SMTN: variants seen among roughly 807,000 people sequenced by gnomAD.
The protein encoded by SMTN is smoothelin.
Under a neutral mutation model 102.0 loss-of-function variants are expected in SMTN, and 58 were observed. The ratio of observed to expected loss-of-function variants is 0.57; its 90% CI spans 0.46 to 0.71. SMTN has a LOEUF of 0.71. Ranked by LOEUF, SMTN falls within the 30% of genes least tolerant of loss-of-function variation. The pLI is 0.00. For synonymous variants in SMTN, 478 were observed against 497.9 expected (o/e 0.96, Z 0.53); for missense variants, 1,185 against 1,241.7 (o/e 0.95, Z 0.69).
chr22:31,098,793 G>C lies in SMTN; in HGVS notation c.2286G>C (p.Gln762His). 1 of 1,612,822 alleles carries C rather than the reference G, an allele frequency of 6.2e-7. No individual in the cohort carries two copies. The highest frequency in any genetic ancestry group is 8.5e-7 in the Non-Finnish European group (1 of 1,179,812). ...GTCTGCCCAAGACCTCAGCCTCCCA[G>C]GCGCGCAAGGCCATGATTGAGAAGC... ...AQSLPKTSAS[Q>H]ARKAMIEKLE... The change falls in exon 17 of 21, where the codon CAG becomes CAC. Residue 762 changes from glutamine (Q) to histidine (H), a missense_variant. Physicochemically the swap from Gln to His is conservative, Grantham distance 24. Transcript: ENST00000333137.
chr22:31,085,947 C>T lies in SMTN; in HGVS notation c.52-2018C>T, dbSNP rs145486642. ...TTGTCAGAGACAAGGACCCCATCTC[C>T]GAGCCCAGAGCACTGAGAATGGGGA... On this transcript the variant is annotated intron_variant, in intron 2 of 20. Transcript: ENST00000333137. Among the ~76,000 whole-genome samples the T allele has an allele frequency of 4.2e-3, 644 of 152,330 alleles. 11 individuals carry two copies. The East Asian group carries it at 0.051, about 12-fold the overall frequency.
intron 3 of SMTN, 51 bp downstream of exon 3, chr22:31,088,164 G>T (rs1356059643): frequency 1.9e-6 from 3 of 1,542,844 alleles, no homozygotes; most frequent in Non-Finnish European, 2.6e-6. Flanking sequence ...TGTGAGCCCT[G>T]GCTCAGCTCA....
chr22:31,082,399 A>T (rs1480032694), intron 1 of SMTN: 1 of 415,506 alleles, frequency 2.4e-6, no homozygotes, highest in African/African-American at 2.1e-5. Flanking sequence ...GGCACTTTGG[A>T]AGGGAGCTTC....
chr22:31,087,873 C>A, intron 2 of SMTN, 92 bp from the exon 3 acceptor site: 1 of 1,372,864 alleles, frequency 7.3e-7, no homozygotes, highest in Non-Finnish European at 9.7e-7. Flanking sequence ...GGACACAGGC[C>A]ACACATTGTG....
At chr22:31,089,674 G>T (rs775605465) in intron 6 of SMTN, 25 bp from the exon 7 acceptor site, 8 of 1,579,644 alleles carry the variant, frequency 5.1e-6, no homozygotes, top group Non-Finnish European at 6.9e-6. Context: ...GGGAGCCTTG[G>T]TTGCATCCTG....
intron 1 of SMTN, among the ~76,000 whole-genome samples, chr22:31,069,795 C>T (rs973358295): frequency 5.9e-5 from 9 of 152,180 alleles, no homozygotes; most frequent in African/African-American, 2.2e-4. Flanking sequence ...CTGGGTGGGC[C>T]GACCTCAGGA....
chr22:31,096,643 C>A, intron 13 of SMTN, 90 bp from the exon 14 acceptor site: 3 of 1,387,754 alleles, frequency 2.2e-6, no homozygotes, highest in Non-Finnish European at 2.9e-6. Context: ...CCACCCTCCA[C>A]CCCGTCTTGT....
At chr22:31,076,038 C>T (rs963381938) in intron 1 of SMTN, among the ~76,000 whole-genome samples, 3 of 151,986 alleles carry the variant, frequency 2.0e-5, no homozygotes, top group African/African-American at 4.8e-5. Context: ...AGATGGGGAT[C>T]GAGAAGGGCG....
chr22:31,096,904 G>A lies in SMTN; in HGVS notation c.2026+7G>A. ...GAGCGGCTCGTCCACTCCAGTAAGG[G>A]GCCAAATGGGGCCGGCCCAGGGCTC... On this transcript the variant is annotated splice_region_variant and intron_variant, in intron 14 of 20. Transcript: ENST00000333137. 1 of 1,602,550 alleles carries A rather than the reference G, an allele frequency of 6.2e-7. No individual in the cohort carries two copies. Among genetic ancestry groups the A allele is most frequent in the Non-Finnish European group, 8.5e-7 (1 of 1,173,212 alleles).
intron 6 of SMTN, among the ~76,000 whole-genome samples, chr22:31,089,375 C>T (rs1011157886): frequency 6.6e-5 from 10 of 152,206 alleles, no homozygotes; most frequent in Non-Finnish European, 1.3e-4. Context: ...CAGGCTGAGG[C>T]CAGGAGTCAG....
chr22:31,100,851 C>A (rs13054770), intron 19 of SMTN, 34 bp from the exon 20 acceptor site: 226,676 of 614,126 alleles, frequency 0.37, 44,162 homozygotes, highest in Middle Eastern at 0.5. Flanking sequence ...CTGCCCCCGT[C>A]CCCCACCCCT....
chr22:31,094,559 G>T (rs114969072), intron 11 of SMTN, among the ~76,000 whole-genome samples: 1 of 152,160 alleles, frequency 6.6e-6, no homozygotes, highest in East Asian at 1.9e-4. Flanking sequence ...ATGAACTAAG[G>T]TTCAGGAGTT....
At chr22:31,082,314 G>A (rs1208937237) in intron 1 of SMTN, 1 of 313,150 alleles carries the variant, frequency 3.2e-6, no homozygotes, top group South Asian at 2.7e-5. Context: ...GGATTTAGGG[G>A]TCCATTTTGA....
chr22:31,085,006 C>A (rs1602598593), intron 2 of SMTN: 10 of 1,490,126 alleles, frequency 6.7e-6, no homozygotes, highest in East Asian at 2.6e-5. Context: ...AGCGTCTGGC[C>A]GATTTGGGGA....
chr22:31,076,839 G>A (rs1276140681), upstream of SMTN, among the ~76,000 whole-genome samples: 2 of 152,162 alleles, frequency 1.3e-5, no homozygotes, highest in Admixed American at 1.3e-4. Flanking sequence ...ACACTGACAG[G>A]TTGGTAAAAT....
intron 2 of SMTN, among the ~76,000 whole-genome samples, chr22:31,086,036 T>C (rs2042675455): frequency 6.6e-6 from 1 of 152,200 alleles, no homozygotes; most frequent in Admixed American, 6.5e-5. Flanking sequence ...CAGAAGGGGC[T>C]GGACCCTCTG....
chr22:31,088,155 G>A, intron 3 of SMTN, 42 bp downstream of exon 3: 4 of 1,553,866 alleles, frequency 2.6e-6, no homozygotes, highest in South Asian at 1.2e-5. Context: ...GAAGGTGAGT[G>A]TGAGCCCTGG....
chr22:31,084,828 C>G (rs1322416908), intron 2 of SMTN, among the ~76,000 whole-genome samples: 2 of 152,206 alleles, frequency 1.3e-5, no homozygotes, highest in African/African-American at 2.4e-5. Context: ...TTTCCGACCC[C>G]GGGAGCGGCT....
upstream of SMTN, among the ~76,000 whole-genome samples, chr22:31,078,790 G>A (rs2042190502): frequency 6.6e-6 from 1 of 152,160 alleles, no homozygotes; most frequent in Admixed American, 6.5e-5. Flanking sequence ...GAGATGGAAG[G>A]ATTGCTTGAG....
Sources: allele counts gnomAD v4.1 joint callset (sites outside exome capture counted in the v4.1 genomes callset), GRCh38; gene constraint gnomAD v4.1.1; transcripts MANE v1.5; gene names NCBI Gene and HGNC (gene_info 2026-07-23, HGNC 2026-07-21).